Variants in CORO7 observed in about 807,000 individuals in gnomAD.
CORO7 encodes the protein coronin-7.
In CORO7, 107 loss-of-function variants were observed where a neutral mutation model predicts 126.6. The observed-to-expected ratio is 0.85, with a 90% CI of 0.72 to 0.99. The LOEUF (loss-of-function observed/expected upper bound fraction) is 0.99, where lower values mean the gene tolerates loss of function less well. Ranked by LOEUF, CORO7 falls within the 50% of genes least tolerant of loss-of-function variation. The pLI, the probability that CORO7 is intolerant of heterozygous loss-of-function variation, is 0.00. For missense variants in CORO7, 1,314 were observed against 1,255.8 expected, an observed-to-expected ratio of 1.05 and a Z score of -0.70; for synonymous variants, 603 against 536.8, an observed-to-expected ratio of 1.12 and a Z score of -1.70.
chr16:4,381,643 C>T lies in CORO7; in HGVS notation c.785+6343G>A, dbSNP rs758417833. ...CGGCAACACCCGCATTGCCCAGCTGCGGCCCGAGGACCTGGCCGGCCTGGC... is the reference window on the plus strand; with the variant it reads ...CGGCAACACCCGCATTGCCCAGCTGTGGCCCGAGGACCTGGCCGGCCTGGC... On this transcript the variant is annotated intron_variant, in intron 9 of 27. Transcript: ENST00000251166. 13 of 1,599,742 alleles carry T rather than the reference C, an allele frequency of 8.1e-6. No homozygotes were observed. Among genetic ancestry groups the T allele is most frequent in the African/African-American group, 5.4e-5 (4 of 74,708 alleles).
chr16:4,361,710 T>A, intron 16 of CORO7: 1 of 787,452 alleles, frequency 1.3e-6, no homozygotes, highest in Non-Finnish European at 2.2e-6. Context: ...GGCTTAGGGC[T>A]CAGGTGGCCG....
intron 26 of CORO7, 62 bp from the exon 27 acceptor site, chr16:4,355,434 T>A: frequency 6.6e-7 from 1 of 1,510,882 alleles, no homozygotes; most frequent in Non-Finnish European, 9.0e-7. Context: ...CCTCTCCCAC[T>A]CCAAGAACAA....
chr16:4,365,856 C>T (rs966912243), intron 9 of CORO7, among the ~76,000 whole-genome samples: 1 of 152,206 alleles, frequency 6.6e-6, no homozygotes, highest in Non-Finnish European at 1.5e-5. Context: ...ACCCCACATG[C>T]ATTCTGTGCC....
chr16:4,371,534 C>T (rs2054520663), intron 9 of CORO7, among the ~76,000 whole-genome samples: 2 of 152,352 alleles, frequency 1.3e-5, no homozygotes, highest in Admixed American at 6.5e-5. Flanking sequence ...GGACTTCTGG[C>T]ATTTGTCACC....
intron 3 of CORO7, 27 bp from the exon 4 acceptor site, chr16:4,408,278 C>A: frequency 6.2e-7 from 1 of 1,614,176 alleles, no homozygotes; most frequent in Non-Finnish European, 8.5e-7. Context: ...GCTGAACCCA[C>A]CGGAATGTCC....
chr16:4,399,136 G>A (rs1473031891), intron 6 of CORO7, among the ~76,000 whole-genome samples: 1 of 152,122 alleles, frequency 6.6e-6, no homozygotes, highest in African/African-American at 2.4e-5. Context: ...CCACTTCTGG[G>A]TACATATCCA....
At chr16:4,403,857 T>C (rs2055900641) in intron 6 of CORO7, among the ~76,000 whole-genome samples, 1 of 152,170 alleles carries the variant, frequency 6.6e-6, no homozygotes, top group Non-Finnish European at 1.5e-5. Context: ...GGCCATCCCC[T>C]CTGCCTGGGA....
At chr16:4,378,297 T>C (rs1223115505) in intron 9 of CORO7, among the ~76,000 whole-genome samples, 1 of 151,906 alleles carries the variant, frequency 6.6e-6, no homozygotes, top group African/African-American at 2.4e-5. Context: ...CGCTCTTAAC[T>C]GTGACCTTAA....
intron 6 of CORO7, among the ~76,000 whole-genome samples, chr16:4,398,325 G>T (rs2055674525): frequency 6.6e-6 from 1 of 152,124 alleles, no homozygotes; most frequent in Non-Finnish European, 1.5e-5. Flanking sequence ...ACCACAGTAA[G>T]ATATCCCCTG....
At chr16:4,388,906 G>C (rs1015281962) in intron 7 of CORO7, among the ~76,000 whole-genome samples, 2 of 152,206 alleles carry the variant, frequency 1.3e-5, no homozygotes, top group Admixed American at 6.5e-5. Context: ...CTACCAAGGA[G>C]AGGGCTGCCT....
rs1174624328 is a variant in CORO7 at position 4,402,419 on chromosome 16, A to AT, written c.564+3071dup. ...GCCACCATGCCTGTCTAATGTTTGC[A>AT]TTTTTTTTGTAGACATGGGGTTTCA... On this transcript the variant is annotated intron_variant, in intron 6 of 27. Transcript: ENST00000251166. Among the ~76,000 whole-genome samples, 8 of 150,650 alleles carry AT rather than the reference A, an allele frequency of 5.3e-5. No individual in the cohort carries two copies. In the East Asian group the frequency reaches 1.2e-3, roughly 22 times the overall value.
In CORO7 at chr16:4,395,855, T is replaced by G. The variant is rs1238096128; in HGVS notation, c.565-516A>C. On this transcript the variant is annotated intron_variant, in intron 6 of 27. Transcript: ENST00000251166. The stretch of plus-strand genomic sequence containing the variant: ...AAGACGAGCTTACACTTCCGAACCA[T>G]CCATTCGGCAGTTATTGATTCAGAT... 3.9e-5 allele frequency among the ~76,000 whole-genome samples: 6 copies of G among 152,080 alleles called. No homozygotes were observed. The East Asian group carries it at 7.7e-4, about 20-fold the overall frequency.
At chr16:4,408,420 G>A (rs1332764820) in intron 3 of CORO7, among the ~76,000 whole-genome samples, 169 bp from the exon 4 acceptor site, 2 of 152,216 alleles carry the variant, frequency 1.3e-5, no homozygotes, top group South Asian at 2.1e-4. Context: ...CCCCTCCTGC[G>A]ACATACGTCC....
chr16:4,408,413 C>T (rs1274409448), intron 3 of CORO7, among the ~76,000 whole-genome samples, 162 bp from the exon 4 acceptor site: 1 of 152,230 alleles, frequency 6.6e-6, no homozygotes, highest in Non-Finnish European at 1.5e-5. Flanking sequence ...CCACAGGCCC[C>T]TCCTGCGACA....
Position 4,358,073 on chromosome 16 carries a change from C to G in CORO7, c.2488G>C (p.Asp830His), listed in dbSNP as rs751226091. 1.1e-5 allele frequency: 17 copies of G among 1,612,732 alleles called. No homozygotes were observed. In the East Asian group the frequency reaches 3.8e-4, roughly 36 times the overall value. ...KEFFQDDVFP[D>H]TAVIWEPVLS... ...ACAGGCTCCCAGATCACAGCCGTGTCTGGGAACACGTCATCCTGGAAGAAC... is the reference window on the plus strand; with the variant it reads ...ACAGGCTCCCAGATCACAGCCGTGTGTGGGAACACGTCATCCTGGAAGAAC... Residue 830 changes from aspartate to histidine, a missense_variant, in exon 25 of 28, where the codon GAC (aspartate) becomes CAC (histidine). Asp to His is a moderately conservative substitution (Grantham distance 81, BLOSUM62 -1). Coordinates refer to ENST00000251166, the MANE Select transcript of CORO7 (RefSeq NM_024535.5).
Position 4,362,257 on chromosome 16 carries a change from G to A in CORO7, c.1403-97C>T. On this transcript the variant is annotated intron_variant, in intron 15 of 27. Coordinates refer to ENST00000251166, the MANE Select transcript of CORO7 (RefSeq NM_024535.5). The surrounding 1 kb of genome is among the most constrained non-coding windows in gnomAD (Gnocchi z 5.3). ...CGGCTGCCCACTCCCCTCACCCCAGGTGGATGTACAGCATGGACCTAGGCC... is the reference window on the plus strand; with the variant it reads ...CGGCTGCCCACTCCCCTCACCCCAGATGGATGTACAGCATGGACCTAGGCC... The A allele has an allele frequency of 6.8e-7, 1 of 1,478,270 alleles. No homozygotes were observed. The highest frequency in any genetic ancestry group is 9.0e-7 in the Non-Finnish European group (1 of 1,107,800). The allele number at this position is 1,478,270 out of a possible 1,614,324, so 91.6% of individuals were successfully genotyped here.
intron 9 of CORO7, among the ~76,000 whole-genome samples, chr16:4,368,294 C>T (rs1342828529): frequency 1.3e-5 from 2 of 151,932 alleles, no homozygotes; most frequent in African/African-American, 4.8e-5. Context: ...TTGCAGTGAG[C>T]CGAGATGGCA....
rs1425659791 is a variant in CORO7, at chr16:4,413,370, G to C, written c.95C>G (p.Pro32Arg). ...TGATTTGATGTGGTTCCTGCATGAA[G>C]GGGCGGTTCCTGCTCGAATGTCACT... ...WISDIRAGTA[P>R]SCRNHIKSSC... Residue 32 changes from proline to arginine, a missense_variant, in exon 2 of 28, where the codon CCT becomes CGT. By Grantham distance (103) the Pro-to-Arg change is moderately radical (BLOSUM62 -2). Coordinates refer to ENST00000251166, the MANE Select transcript of CORO7 (RefSeq NM_024535.5). 3 of 1,584,384 alleles carry C rather than the reference G, an allele frequency of 1.9e-6. No individual in the cohort carries two copies. The highest frequency in any genetic ancestry group is 2.7e-5 in the African/African-American group (2 of 74,510).
Position 4,366,297 on chromosome 16 carries a change from G to T in CORO7, c.786-752C>A, listed in dbSNP as rs1157016848. On this transcript the variant is annotated intron_variant, in intron 9 of 27. Transcript: ENST00000251166. ...CAGCTGGGAATAGAGTGGGCGGGCC[G>T]GAAGCCCCCAGAGCCCCTGCCACTC... Among the ~76,000 whole-genome samples, 2 of 152,150 alleles carry T rather than the reference G, an allele frequency of 1.3e-5. 1 individual carries two copies. Among genetic ancestry groups the T allele is most frequent in the Admixed American group, 1.3e-4 (2 of 15,264 alleles).
Sources: allele counts gnomAD v4.1 joint callset (sites outside exome capture counted in the v4.1 genomes callset), GRCh38; gene constraint gnomAD v4.1.1; non-coding constraint Gnocchi (gnomAD v3.1); transcripts MANE v1.5; gene names NCBI Gene and HGNC (gene_info 2026-07-23, HGNC 2026-07-21).